Variants in CCDC7 observed in about 807,000 individuals in gnomAD.
CCDC7 encodes the protein coiled-coil domain-containing protein 7.
Under a neutral mutation model 196.9 loss-of-function variants are expected in CCDC7, and 183 were observed. The ratio of observed to expected loss-of-function variants is 0.93; its 90% CI spans 0.82 to 1.05. The LOEUF is 1.05. Ranked by LOEUF, CCDC7 falls within the 50% of genes least tolerant of loss-of-function variation. The pLI is 0.00. For synonymous variants in CCDC7, 525 were observed against 484.6 expected (o/e 1.08, Z -1.10); for missense variants, 1,540 against 1,482.2 (o/e 1.04, Z -0.64).
chr10:32,465,771 A>G (rs967241638), intron 5 of CCDC7, among the ~76,000 whole-genome samples: 2 of 152,166 alleles, frequency 1.3e-5, no homozygotes, highest in African/African-American at 4.8e-5. Flanking sequence ...GGCTTTGTAT[A>G]TAATTACTTA....
intron 34 of CCDC7, 91 bp from the exon 36 acceptor site, chr10:32,845,452 G>T: frequency 1.6e-6 from 2 of 1,266,370 alleles, no homozygotes; most frequent in South Asian, 1.3e-5. Flanking sequence ...AATTATTCAT[G>T]AATATCCTCC....
At chr10:32,481,509 T>C (rs2039955734) in intron 8 of CCDC7, among the ~76,000 whole-genome samples, 1 of 152,238 alleles carries the variant, frequency 6.6e-6, no homozygotes, top group South Asian at 2.1e-4. Flanking sequence ...TTATTGTAGC[T>C]ATAGGTATTT....
intron 24 of CCDC7, among the ~76,000 whole-genome samples, chr10:32,702,726 T>C (rs763581394): frequency 1.3e-5 from 2 of 152,226 alleles, no homozygotes; most frequent in African/African-American, 2.4e-5. Context: ...CATACATATT[T>C]AGGATAGTTA....
chr10:32,711,204 G>C (rs986132572), intron 24 of CCDC7, among the ~76,000 whole-genome samples: 1 of 150,656 alleles, frequency 6.6e-6, no homozygotes, highest in African/African-American at 2.4e-5. Flanking sequence ...ACATATAACT[G>C]TGTGTGTGTG....
intron 20 of CCDC7, among the ~76,000 whole-genome samples, 172 bp downstream of exon 21, chr10:32,635,330 G>C (rs73257474): frequency 6.1e-4 from 92 of 152,050 alleles, no homozygotes; most frequent in African/African-American, 2.1e-3. Context: ...TTTCCACTAT[G>C]ATTGTGAATT....
intron 41 of CCDC7, among the ~76,000 whole-genome samples, chr10:32,864,763 TA>T (rs1264306593): frequency 1.3e-5 from 2 of 151,788 alleles, no homozygotes; most frequent in African/African-American, 4.8e-5. Flanking sequence ...TCCTGAAGCT[TA>T]AAACTTAAAA....
At chr10:32,566,416 A>C (rs2056798826) in intron 14 of CCDC7, among the ~76,000 whole-genome samples, 1 of 152,190 alleles carries the variant, frequency 6.6e-6, no homozygotes, top group Non-Finnish European at 1.5e-5. Context: ...CATATGTTTT[A>C]ATAGCAAAAA....
At chr10:32,637,427 C>A (rs1177944090) in intron 20 of CCDC7, among the ~76,000 whole-genome samples, 1 of 152,310 alleles carries the variant, frequency 6.6e-6, no homozygotes, top group East Asian at 1.9e-4. Flanking sequence ...AGAAGGGATC[C>A]AGTTTCAGCT....
intron 20 of CCDC7, among the ~76,000 whole-genome samples, chr10:32,643,736 A>G (rs531342264): frequency 5.3e-5 from 8 of 152,016 alleles, no homozygotes; most frequent in Non-Finnish European, 1.2e-4. Context: ...CATATAGTAT[A>G]TGAAGTAATA....
chr10:32,449,443 C>G (rs1193736808), upstream of CCDC7, among the ~76,000 whole-genome samples: 1 of 152,182 alleles, frequency 6.6e-6, no homozygotes, highest in Non-Finnish European at 1.5e-5. Flanking sequence ...GCCTCTGCCT[C>G]CCAAAGTACT....
intron 9 of CCDC7, among the ~76,000 whole-genome samples, chr10:32,500,361 C>G (rs1487534045): frequency 6.6e-6 from 1 of 152,008 alleles, no homozygotes; most frequent in Non-Finnish European, 1.5e-5. Context: ...CTCCTCACCT[C>G]CCAGATGGGG....
At chr10:32,515,981 A>G (rs1407148863) in intron 9 of CCDC7, among the ~76,000 whole-genome samples, 1 of 152,170 alleles carries the variant, frequency 6.6e-6, no homozygotes, top group Non-Finnish European at 1.5e-5. Flanking sequence ...TAAATATGAC[A>G]TCAGAAGTAC....
exon 14 of CCDC7, chr10:32,565,589 T>C (rs2056652129): frequency 1.2e-6 from 2 of 1,609,532 alleles, no homozygotes; most frequent in Admixed American, 1.7e-5. Flanking sequence ...GAGAACAAAG[T>C]CCTTCAGGAG....
chr10:32,828,289 A>T (rs1012024413), intron 32 of CCDC7, among the ~76,000 whole-genome samples: 6 of 151,870 alleles, frequency 4.0e-5, no homozygotes, highest in Non-Finnish European at 8.8e-5. Flanking sequence ...CCAAACTGTA[A>T]TTCAATTACC....
At chr10:32,642,092 G>A (rs1306097799) in intron 20 of CCDC7, among the ~76,000 whole-genome samples, 1 of 152,108 alleles carries the variant, frequency 6.6e-6, no homozygotes, top group Non-Finnish European at 1.5e-5. Context: ...TAGGCTACTC[G>A]GGTCAGGGAC....
chr10:32,681,738 T>TATACAC (rs368124649), intron 21 of CCDC7, among the ~76,000 whole-genome samples: 1 of 137,546 alleles, frequency 7.3e-6, no homozygotes, highest in African/African-American at 2.9e-5. Context: ...TTTATATGTA[T>TATACAC]ACACACACAC....
rs76681883 is a variant in CCDC7 at position 32,556,462 on chromosome 10, T to G, written c.1135-9096T>G. Among the ~76,000 whole-genome samples the G allele has an allele frequency of 3.5e-3, 529 of 152,286 alleles. 4 individuals are homozygous for G. The highest frequency in any genetic ancestry group is 0.012 in the African/African-American group (506 of 41,582). On this transcript the variant is annotated intron_variant, in intron 13 of 41. Transcript: ENST00000639629. ...GAAATTTTTATCATATCTCAAATTT[T>G]TTATCTATATCAAGGGAGTTTTCTT... is the stretch of plus-strand genomic sequence containing the variant.
exon 25 of CCDC7, chr10:32,711,626 A>T: frequency 7.6e-6 from 12 of 1,578,780 alleles, no homozygotes; most frequent in Non-Finnish European, 1.0e-5. Flanking sequence ...ATAGCTCATG[A>T]TGAAGAATCA....
In CCDC7 at chr10:32,524,256, C is replaced by T. The variant is rs138949428; in HGVS notation, c.993+5751C>T. Among the ~76,000 whole-genome samples the T allele has an allele frequency of 3.4e-3, 518 of 152,110 alleles. 3 individuals are homozygous for T. Among genetic ancestry groups the T allele is most frequent in the Middle Eastern group, 0.021 (6 of 292 alleles). The stretch of plus-strand genomic sequence containing the variant: ...ACACTGATTGCATGAACAGAATACA[C>T]GTGGAAAGAAAACTCATAAAAACTC... On this transcript the variant is annotated intron_variant, in intron 11 of 41. Transcript: ENST00000639629.
Sources: gnomAD v4.1 joint callset for allele counts (sites outside exome capture counted in the v4.1 genomes callset) on GRCh38, gnomAD v4.1.1 for gene constraint, MANE v1.5 for transcripts, NCBI Gene and HGNC (gene_info 2026-07-23, HGNC 2026-07-21) for gene names.